POLA1: variants seen among roughly 807,000 people sequenced by gnomAD.
POLA1 encodes the protein DNA polymerase alpha 1, catalytic subunit.
In POLA1, 15 loss-of-function variants were observed where a neutral mutation model predicts 124.0. The ratio of observed to expected loss-of-function variants is 0.12; its 90% CI spans 0.08 to 0.19. The LOEUF (loss-of-function observed/expected upper bound fraction) is 0.19, where lower values mean the gene tolerates loss of function less well. Ranked by LOEUF, POLA1 falls within the 10% of genes least tolerant of loss-of-function variation. The pLI is 1.00. For missense variants in POLA1, 886 were observed against 1,103.4 expected, an observed-to-expected ratio of 0.80 and a Z score of 2.79; for synonymous variants, 408 against 389.4, an observed-to-expected ratio of 1.05 and a Z score of -0.56.
At chrX:24,838,887 A>G (rs2046375303) in intron 32 of POLA1, among the ~76,000 whole-genome samples, 1 of 112,293 alleles carries the variant, frequency 8.9e-6, no homozygotes, top group Non-Finnish European at 1.9e-5. Flanking sequence ...ATAAGCAGTA[A>G]AACTTTAAAG....
At chrX:24,877,915 GTT>G (rs5901765) in intron 34 of POLA1, among the ~76,000 whole-genome samples, 5 of 95,724 alleles carry the variant, frequency 5.2e-5, no homozygotes, top group Middle Eastern at 5.2e-3. Flanking sequence ...GTTTTTTTTT[GTT>G]TTTTTTTTTG....
intron 36 of POLA1, among the ~76,000 whole-genome samples, chrX:24,964,909 T>G (rs1273894720): frequency 8.9e-6 from 1 of 112,198 alleles, no homozygotes; most frequent in Admixed American, 9.4e-5. Flanking sequence ...GAGATTCCCA[T>G]GAAGATGGTA....
intron 26 of POLA1, among the ~76,000 whole-genome samples, chrX:24,807,146 C>A (rs1204217645): frequency 8.9e-6 from 1 of 111,816 alleles, no homozygotes; most frequent in Non-Finnish European, 1.9e-5. Context: ...GTGAAGGTTG[C>A]CAGTTCACAT....
At chrX:24,910,510 T>G (rs1181459835) in intron 35 of POLA1, among the ~76,000 whole-genome samples, 2 of 111,812 alleles carry the variant, frequency 1.8e-5, no homozygotes, top group Non-Finnish European at 3.8e-5. Context: ...ATGAAGAAAC[T>G]CACTTTAAAT....
rs55716466 is a variant in POLA1 at position 24,749,102 on chromosome X, A to G, written c.2964+110A>G. 7,016 of 543,635 alleles carry G rather than the reference A, an allele frequency of 0.013. 337 individuals are homozygous for G. In the African/African-American group the frequency reaches 0.14, roughly 11 times the overall value. 44.8% of individuals were successfully genotyped at this position (543,635 alleles called of 1,213,427 possible). ...TACCTAGTTGTACAGCATCAAATAC[A>G]GTACCCCTCTCTTTGGATGACAGGT... On this transcript the variant is annotated intron_variant, in intron 26 of 36. Transcript: ENST00000379068.
At chrX:24,750,146 T>C (rs1932246257) in intron 26 of POLA1, among the ~76,000 whole-genome samples, 1 of 112,453 alleles carries the variant, frequency 8.9e-6, no homozygotes, top group African/African-American at 3.2e-5. Context: ...GCTGCTTTTG[T>C]ATTACGAGAG....
chrX:24,963,930 T>G (rs1391772355), intron 36 of POLA1, among the ~76,000 whole-genome samples: 1 of 111,449 alleles, frequency 9.0e-6, no homozygotes, highest in Non-Finnish European at 1.9e-5. Flanking sequence ...ACCTAAAAGT[T>G]GTGAAATTTG....
intron 26 of POLA1, among the ~76,000 whole-genome samples, chrX:24,786,239 A>G (rs182818677): frequency 9.0e-6 from 1 of 111,362 alleles, no homozygotes; most frequent in African/African-American, 3.3e-5. Context: ...TTTTTGGGGA[A>G]CCTCCATACT....
At chrX:24,993,806 G>A (rs2048564731) in intron 36 of POLA1, among the ~76,000 whole-genome samples, 1 of 111,910 alleles carries the variant, frequency 8.9e-6, no homozygotes. Context: ...AACTGGCGTG[G>A]AATGGTGCCT....
At chrX:24,788,267 A>C in intron 26 of POLA1, 1 of 708,805 alleles carries the variant, frequency 1.4e-6, no homozygotes, top group Admixed American at 4.0e-5. Context: ...CATACACAAC[A>C]GTGAAAAGCA....
chrX:24,709,220 A>G (rs1334822351), intron 4 of POLA1, among the ~76,000 whole-genome samples: 131 of 66,299 alleles, frequency 2.0e-3, no homozygotes, highest in East Asian at 0.014. Flanking sequence ...CCTCCCGGAC[A>G]GGGCGGCTGG....
chrX:24,928,957 G>A (rs2047733067), intron 35 of POLA1, among the ~76,000 whole-genome samples: 1 of 111,831 alleles, frequency 8.9e-6, no homozygotes, highest in Admixed American at 9.5e-5. Flanking sequence ...AAAGACAATA[G>A]CCCTGACCGA....
At chrX:24,938,801 C>T (rs889962651) in intron 36 of POLA1, among the ~76,000 whole-genome samples, 2 of 112,205 alleles carry the variant, frequency 1.8e-5, no homozygotes, top group African/African-American at 3.2e-5. Flanking sequence ...GATAACTTTA[C>T]AATGTGACAG....
rs762458504 is a variant in POLA1, at chrX:24,784,132, A to AG, written c.2965-25765dup. 6.3e-5 allele frequency among the ~76,000 whole-genome samples: 6 copies of AG among 95,424 alleles called. No individual in the cohort carries two copies. The South Asian group carries it at 3.1e-3, about 50-fold the overall frequency. The allele number at this position is 95,424 out of a possible 115,157, so 82.9% of individuals were successfully genotyped here. On this transcript the variant is annotated intron_variant, in intron 26 of 36. Transcript: ENST00000379068. The stretch of plus-strand genomic sequence containing the variant: ...AGCTGGCACAGTCTCAGCTCACTGC[A>AG]GCCTCCGCCTCCAGGGTTCAAGTGA...
At chrX:24,968,650 C>T (rs1015527471) in intron 36 of POLA1, among the ~76,000 whole-genome samples, 5 of 97,761 alleles carry the variant, frequency 5.1e-5, no homozygotes, top group East Asian at 6.6e-4. Flanking sequence ...TTGCAGTGAG[C>T]GGAGATTGGG....
At chrX:24,919,808 GT>G (rs1195362180) in intron 35 of POLA1, among the ~76,000 whole-genome samples, 40 of 20,251 alleles carry the variant, frequency 2.0e-3, no homozygotes, top group East Asian at 7.9e-3. Context: ...TTTTTTTTTT[GT>G]TTTTTTTTTT....
At chrX:24,931,378 C>T (rs2047777266) in intron 36 of POLA1, among the ~76,000 whole-genome samples, 1 of 111,951 alleles carries the variant, frequency 8.9e-6, no homozygotes, top group African/African-American at 3.2e-5. Context: ...AAACCTACAA[C>T]TATTGCTAGA....
At chrX:24,807,682 C>T (rs2148491594) in intron 26 of POLA1, among the ~76,000 whole-genome samples, 1 of 111,615 alleles carries the variant, frequency 9.0e-6, no homozygotes, top group South Asian at 3.8e-4. Flanking sequence ...AGCTTGTAGT[C>T]TAGTTTGGGG....
At chrX:24,828,451 A>G (rs2046209187) in intron 32 of POLA1, among the ~76,000 whole-genome samples, 2 of 111,972 alleles carry the variant, frequency 1.8e-5, no homozygotes, top group African/African-American at 6.5e-5. Flanking sequence ...TCTTAGCTCT[A>G]AAAGGCTATG....
Sources: allele counts gnomAD v4.1 joint callset (sites outside exome capture counted in the v4.1 genomes callset), GRCh38; gene constraint gnomAD v4.1.1; transcripts MANE v1.5; gene names NCBI Gene and HGNC (gene_info 2026-07-23, HGNC 2026-07-21).